Variants in RIMS1 observed in about 807,000 individuals in gnomAD.
RIMS1 encodes regulating synaptic membrane exocytosis 1.
A neutral mutation model predicts 214.1 loss-of-function variants in RIMS1; 83 were observed. The observed-to-expected ratio is 0.39, with a 90% CI of 0.32 to 0.47. RIMS1 has a LOEUF of 0.47. Among genes scored for constraint, RIMS1 ranks in the 20% least tolerant of loss-of-function variants. The pLI, the probability that RIMS1 is intolerant of heterozygous loss-of-function variation, is 0.99. For synonymous variants in RIMS1, 793 were observed against 786.8 expected (o/e 1.01, Z -0.13); for missense variants, 2,050 against 2,161.8 (o/e 0.95, Z 1.03).
At chr6:72,245,634 G>GT (rs533970120) in intron 10 of RIMS1, among the ~76,000 whole-genome samples, 181 bp from the exon 11 acceptor site, 14 of 151,744 alleles carry the variant, frequency 9.2e-5, no homozygotes, top group South Asian at 2.1e-4. Context: ...TTTTATTGCA[G>GT]TTTTTTTTGT....
chr6:72,244,235 A>C (rs1200149697), intron 10 of RIMS1, among the ~76,000 whole-genome samples: 1 of 151,814 alleles, frequency 6.6e-6, no homozygotes, highest in Non-Finnish European at 1.5e-5. Flanking sequence ...CTTGACCTTT[A>C]TGCTTTTAAT....
At chr6:72,317,927 G>A (rs2095899953) in intron 28 of RIMS1, among the ~76,000 whole-genome samples, 1 of 152,070 alleles carries the variant, frequency 6.6e-6, no homozygotes, top group African/African-American at 2.4e-5. Flanking sequence ...TTCAAGTTCA[G>A]AATTATTTTG....
chr6:72,242,567 T>C (rs905811652), intron 10 of RIMS1, 130 bp downstream of exon 10: 8 of 586,422 alleles, frequency 1.4e-5, no homozygotes, highest in African/African-American at 3.9e-5. Context: ...TGGGCATACA[T>C]TTTTAGATTA....
chr6:72,366,864 A>G, intron 29 of RIMS1: 7 of 981,634 alleles, frequency 7.1e-6, no homozygotes, highest in Non-Finnish European at 8.5e-6. Flanking sequence ...CAAGATAGAC[A>G]AGGTAAGTCT....
intron 4 of RIMS1, among the ~76,000 whole-genome samples, chr6:72,130,012 CTT>C (rs778760062): frequency 5.3e-5 from 8 of 152,030 alleles, no homozygotes; most frequent in Non-Finnish European, 1.2e-4. Flanking sequence ...CATTTTCAGT[CTT>C]GTAAAATAAG....
intron 2 of RIMS1, among the ~76,000 whole-genome samples, chr6:72,034,450 A>G (rs1345203716): frequency 6.6e-6 from 1 of 152,116 alleles, no homozygotes; most frequent in Non-Finnish European, 1.5e-5. Context: ...TTTTTTAATC[A>G]GTATTTCTCA....
intron 1 of RIMS1, among the ~76,000 whole-genome samples, chr6:71,925,160 T>A (rs1056025897): frequency 7.9e-5 from 12 of 152,202 alleles, no homozygotes; most frequent in Non-Finnish European, 1.3e-4. Context: ...ACTTTTGAGG[T>A]TTTCTGCCCT....
chr6:72,149,705 C>G (rs922161831), intron 4 of RIMS1, among the ~76,000 whole-genome samples: 7 of 152,220 alleles, frequency 4.6e-5, no homozygotes, highest in Non-Finnish European at 4.4e-5. Flanking sequence ...CACCCTCTGA[C>G]AATCCTGGAT....
intron 16 of RIMS1, among the ~76,000 whole-genome samples, 184 bp from the exon 17 acceptor site, chr6:72,257,941 A>G (rs76583901): frequency 0.015 from 2,262 of 152,326 alleles, 54 homozygotes; most frequent in African/African-American, 0.051. Flanking sequence ...GTTTCAATGC[A>G]TGTATATGTT....
intron 1 of RIMS1, among the ~76,000 whole-genome samples, chr6:71,905,204 C>T (rs566192531): frequency 2.2e-4 from 34 of 151,928 alleles, no homozygotes; most frequent in African/African-American, 5.1e-4. Flanking sequence ...GAAAATAGAG[C>T]GGTACATTTT....
chr6:71,921,706 T>C (rs947082831), intron 1 of RIMS1, among the ~76,000 whole-genome samples: 2 of 152,182 alleles, frequency 1.3e-5, no homozygotes, highest in African/African-American at 4.8e-5. Context: ...CTAAACTTTG[T>C]ATATATAGCA....
chr6:72,179,115 T>G (rs1189524323), intron 4 of RIMS1, among the ~76,000 whole-genome samples: 1 of 152,216 alleles, frequency 6.6e-6, no homozygotes, highest in Non-Finnish European at 1.5e-5. Flanking sequence ...GTGGGTGATT[T>G]TTGAAAAGAC....
At position 72,290,775 on chromosome 6, in the gene RIMS1, G is replaced by T. The variant is rs758907133; in HGVS notation, c.3651G>T (p.Ser1217=). 2 of 1,613,662 alleles carry T rather than the reference G, an allele frequency of 1.2e-6. No homozygotes were observed. Among genetic ancestry groups the T allele is most frequent in the Non-Finnish European group, 1.7e-6 (2 of 1,179,790 alleles). ...GAAAACATCCTGCTCGCTCAAGGTC[G>T]AGTGAGCACTCTAGTATCAGAACAC... The part of the protein sequence containing the change: ...IRGKHPARSR[S]SEHSSIRTLC... Residue 1217 remains serine (S), a synonymous_variant, in exon 25 of 34, where the codon TCG becomes TCT. Transcript: ENST00000521978.
intron 1 of RIMS1, among the ~76,000 whole-genome samples, chr6:71,964,708 T>A (rs992589203): frequency 1.3e-5 from 2 of 152,160 alleles, no homozygotes; most frequent in Non-Finnish European, 2.9e-5. Flanking sequence ...AAAAGTTCTA[T>A]TTTGGAAATG....
At chr6:72,179,383 T>C in intron 4 of RIMS1, 192 bp from the exon 5 acceptor site, 1 of 637,928 alleles carries the variant, frequency 1.6e-6, no homozygotes, top group Admixed American at 2.5e-5. Flanking sequence ...GGCTCTCTAG[T>C]CTCAGACAAG....
chr6:72,182,826 C>T lies in RIMS1; in HGVS notation c.1355C>T (p.Pro452Leu). The T allele has an allele frequency of 6.4e-7, 1 of 1,551,070 alleles. No homozygotes were observed. Among genetic ancestry groups the T allele is most frequent in the Non-Finnish European group, 8.7e-7 (1 of 1,150,496 alleles). ...KQLTNHSPPA[P>L]RHGPVPAEAP... ...CTAACGAACCACAGCCCGCCGGCGC[C>T]CAGACATGGGCCGGTTCCCGCAGAA... The change falls in exon 6 of 34, where the codon CCC becomes CTC. Residue 452 changes from proline to leucine, a missense_variant. This residue lies in a region of RIMS1 where 882 missense variants were observed against 828.9 expected (regional missense o/e 1.06). Transcript: ENST00000521978.
At chr6:71,970,361 C>T (rs965093791) in intron 2 of RIMS1, among the ~76,000 whole-genome samples, 1 of 152,098 alleles carries the variant, frequency 6.6e-6, no homozygotes, top group African/African-American at 2.4e-5. Flanking sequence ...CCCCAGTTTT[C>T]ATCTTATATT....
chr6:72,154,644 G>A lies in RIMS1; in HGVS notation c.472-24931G>A, dbSNP rs916220259. On this transcript the variant is annotated intron_variant, in intron 4 of 33. Coordinates refer to ENST00000521978, the MANE Select transcript of RIMS1 (RefSeq NM_014989.7). ...ATAAGAGTACATTTGTGAGAATCTA[G>A]GAGTTCACTGAAGTTCCAGCACATC... Among the ~76,000 whole-genome samples, 7 of 140,328 alleles carry A rather than the reference G, an allele frequency of 5.0e-5. 1 individual carries two copies. Among genetic ancestry groups the A allele is most frequent in the Non-Finnish European group, 1.1e-4 (7 of 61,782 alleles). 92.1% of individuals were successfully genotyped at this position (140,328 alleles called of 152,430 possible). A position where few individuals can be genotyped will look rare whatever the true frequency, so the allele number is the denominator to read the frequency against.
intron 2 of RIMS1, among the ~76,000 whole-genome samples, chr6:72,084,432 T>C (rs757817379): frequency 3.3e-5 from 5 of 152,212 alleles, no homozygotes; most frequent in African/African-American, 4.8e-5. Flanking sequence ...AATATTAAAA[T>C]TACCCTTTCT....
Sources: gnomAD v4.1 joint callset for allele counts (sites outside exome capture counted in the v4.1 genomes callset) on GRCh38, gnomAD v4.1.1 for gene constraint, gnomAD v4.1.1 regional missense constraint, MANE v1.5 for transcripts, NCBI Gene and HGNC (gene_info 2026-07-23, HGNC 2026-07-21) for gene names.